OSBP2: variants seen among roughly 807,000 people sequenced by gnomAD.
The protein encoded by OSBP2 is oxysterol-binding protein 2.
OSBP2 carries 66 observed loss-of-function variants against 96.0 expected under a neutral mutation model. The observed-to-expected ratio is 0.69, with a 90% CI of 0.56 to 0.84. The LOEUF (loss-of-function observed/expected upper bound fraction) is 0.84, where lower values mean the gene tolerates loss of function less well. OSBP2 is among the 40% of genes least tolerant of loss of function. The pLI, the probability that OSBP2 is intolerant of heterozygous loss-of-function variation, is 0.00. For missense variants in OSBP2, 1,038 were observed against 1,222.7 expected, an observed-to-expected ratio of 0.85 and a Z score of 2.25; for synonymous variants, 525 against 520.9, an observed-to-expected ratio of 1.01 and a Z score of -0.11.
intron 2 of OSBP2, among the ~76,000 whole-genome samples, chr22:30,764,655 G>A (rs2090248483): frequency 6.6e-6 from 1 of 152,150 alleles, no homozygotes; most frequent in Non-Finnish European, 1.5e-5. Flanking sequence ...TGCAGATACT[G>A]ATCCAGGTTC....
chr22:30,866,746 G>GA lies in OSBP2; in HGVS notation c.854-3671dup, dbSNP rs34739677. On this transcript the variant is annotated intron_variant, in intron 2 of 13. Coordinates refer to ENST00000332585, the MANE Select transcript of OSBP2 (RefSeq NM_030758.4). ...CGCGAGACTCTGTCTCAAAAAACAG[G>GA]AAAAAAAAAAAATGTGTGTTGTTTC... Among the ~76,000 whole-genome samples the GA allele has an allele frequency of 2.5e-3, 367 of 148,922 alleles. 3 individuals are homozygous for GA. Among genetic ancestry groups the GA allele is most frequent in the Middle Eastern group, 0.014 (4 of 288 alleles).
intron 2 of OSBP2, among the ~76,000 whole-genome samples, chr22:30,766,105 C>T (rs935375395): frequency 2.0e-5 from 3 of 152,134 alleles, no homozygotes; most frequent in African/African-American, 7.2e-5. Context: ...TGTGGTAGCA[C>T]ACACCTATAG....
chr22:30,756,993 C>T (rs1485565619), intron 2 of OSBP2, among the ~76,000 whole-genome samples: 1 of 151,892 alleles, frequency 6.6e-6, no homozygotes, highest in Non-Finnish European at 1.5e-5. Flanking sequence ...TGACCCCTTC[C>T]AACCATGCAG....
intron 2 of OSBP2, among the ~76,000 whole-genome samples, chr22:30,825,952 G>T (rs2038394779): frequency 6.6e-6 from 1 of 152,138 alleles, no homozygotes; most frequent in Admixed American, 6.6e-5. Flanking sequence ...CAGCCAACAT[G>T]GGCCATCAGG....
intron 2 of OSBP2, among the ~76,000 whole-genome samples, chr22:30,746,986 AC>A (rs1266254236): frequency 2.0e-5 from 3 of 152,244 alleles, no homozygotes; most frequent in Non-Finnish European, 4.4e-5. Context: ...AGTGGGACTT[AC>A]CCCAGGAGTG....
At position 30,808,815 on chromosome 22, in the gene OSBP2, G is replaced by T. The variant is rs538124368; in HGVS notation, c.854-61614G>T. Among the ~76,000 whole-genome samples, 15 of 152,130 alleles carry T rather than the reference G, an allele frequency of 9.9e-5. 1 individual carries two copies. Among genetic ancestry groups the T allele is most frequent in the African/African-American group, 1.9e-4 (8 of 41,426 alleles). On this transcript the variant is annotated intron_variant, in intron 2 of 13. Coordinates refer to ENST00000332585, the MANE Select transcript of OSBP2 (RefSeq NM_030758.4). ...TAAAAATACAAAAAATTAGCCAGGC[G>T]TGGTGGCGGGTGCCTGTAGTCCCAG...
At chr22:30,818,867 G>A (rs1434901942) in intron 2 of OSBP2, among the ~76,000 whole-genome samples, 2 of 152,224 alleles carry the variant, frequency 1.3e-5, no homozygotes, top group Non-Finnish European at 2.9e-5. Flanking sequence ...AGTGAACAGA[G>A]CAACCAGTTT....
chr22:30,891,061 A>C, intron 8 of OSBP2, 88 bp downstream of exon 8: 1 of 1,490,474 alleles, frequency 6.7e-7, no homozygotes, highest in East Asian at 2.3e-5. Context: ...AATGGGAGGC[A>C]GCGTCTGTCT....
At chr22:30,702,767 G>T (rs1243649380) in intron 1 of OSBP2, among the ~76,000 whole-genome samples, 1 of 152,188 alleles carries the variant, frequency 6.6e-6, no homozygotes, top group African/African-American at 2.4e-5. Flanking sequence ...GAATTTACAG[G>T]GTATGTCTGA....
chr22:30,897,671 T>A (rs1232190047), intron 12 of OSBP2, among the ~76,000 whole-genome samples: 1 of 152,210 alleles, frequency 6.6e-6, no homozygotes, highest in Non-Finnish European at 1.5e-5. Flanking sequence ...GGATGGTGAC[T>A]CAACGCCTGT....
At chr22:30,720,405 C>T (rs2089529812) in intron 1 of OSBP2, among the ~76,000 whole-genome samples, 1 of 152,110 alleles carries the variant, frequency 6.6e-6, no homozygotes, top group African/African-American at 2.4e-5. Flanking sequence ...ATGGTGCAGG[C>T]AATTGGCAGG....
At chr22:30,822,498 CGCGGCGCCGGGACCCACGAGTGTCCG>C in intron 2 of OSBP2, 1 of 1,134,744 alleles carries the variant, frequency 8.8e-7, no homozygotes, top group Non-Finnish European at 1.1e-6. Flanking sequence ...ATTGTGGTAA[CGCGGCGCCGGGACCCACGAGTGTCCG>C]CCGCCTCCGC....
intron 1 of OSBP2, among the ~76,000 whole-genome samples, chr22:30,710,213 C>G (rs1008222154): frequency 4.9e-4 from 75 of 152,272 alleles, no homozygotes; most frequent in Non-Finnish European, 1.2e-4. Flanking sequence ...CAAAGAGAAA[C>G]TTCCCCTCAT....
intron 1 of OSBP2, among the ~76,000 whole-genome samples, chr22:30,713,881 T>C (rs1187713373): frequency 6.6e-6 from 1 of 152,214 alleles, no homozygotes; most frequent in East Asian, 1.9e-4. Flanking sequence ...ATCCATCACC[T>C]CAAACATTTA....
intron 2 of OSBP2, among the ~76,000 whole-genome samples, chr22:30,858,918 C>T (rs2147081100): frequency 8.3e-6 from 1 of 120,360 alleles, no homozygotes; most frequent in Non-Finnish European, 1.8e-5. Flanking sequence ...ATAATAAAAG[C>T]ATTCCCATTC....
intron 2 of OSBP2, among the ~76,000 whole-genome samples, chr22:30,797,216 G>T (rs1316179021): frequency 6.6e-6 from 1 of 152,180 alleles, no homozygotes; most frequent in Admixed American, 6.5e-5. Context: ...CCACTGTATG[G>T]ATAGACTACA....
At chr22:30,751,972 G>C (rs184412881) in intron 2 of OSBP2, among the ~76,000 whole-genome samples, 1 of 151,878 alleles carries the variant, frequency 6.6e-6, no homozygotes, top group Admixed American at 6.6e-5. Flanking sequence ...TGGGGGAGGC[G>C]TGCTCACACT....
At chr22:30,799,075 TC>T (rs2090811402) in intron 2 of OSBP2, among the ~76,000 whole-genome samples, 1 of 146,410 alleles carries the variant, frequency 6.8e-6, no homozygotes, top group Non-Finnish European at 1.5e-5. Context: ...CTTCCTTCCT[TC>T]CTTCCTTCCT....
chr22:30,816,171 A>C (rs1042138078), intron 2 of OSBP2, among the ~76,000 whole-genome samples: 1 of 152,206 alleles, frequency 6.6e-6, no homozygotes, highest in Non-Finnish European at 1.5e-5. Flanking sequence ...AGGATACGCC[A>C]AGGCTGCTTT....
Sources: gnomAD v4.1 joint callset for allele counts (sites outside exome capture counted in the v4.1 genomes callset) on GRCh38, gnomAD v4.1.1 for gene constraint, MANE v1.5 for transcripts, NCBI Gene and HGNC (gene_info 2026-07-23, HGNC 2026-07-21) for gene names.